LMNA: variants seen among roughly 807,000 people sequenced by gnomAD.
LMNA encodes lamin A/C.
Under a neutral mutation model 70.4 loss-of-function variants are expected in LMNA, and 20 were observed. The observed-to-expected ratio is 0.28, with a 90% CI of 0.20 to 0.41. The LOEUF (loss-of-function observed/expected upper bound fraction) is 0.41. Among genes scored for constraint, LMNA ranks in the 10% least tolerant of loss-of-function variants. LMNA has a pLI of 1.00. For missense variants in LMNA, 652 were observed against 917.2 expected (o/e 0.71, Z 3.73); for synonymous variants, 339 against 372.8 (o/e 0.91, Z 1.04).
At chr1:156,130,848 C>A in intron 2 of LMNA, 75 bp downstream of exon 2, 1 of 1,419,202 alleles carries the variant, frequency 7.0e-7, no homozygotes, top group Non-Finnish European at 9.7e-7. Flanking sequence ...TAGGCCCTCC[C>A]CCATGTGGTG....
intron 2 of LMNA, among the ~76,000 whole-genome samples, chr1:156,085,911 C>A (rs887306312): frequency 6.6e-6 from 1 of 152,182 alleles, no homozygotes; most frequent in South Asian, 2.1e-4. Context: ...CAAAAATTAG[C>A]TGGGCATGGT....
intron 1 of LMNA, chr1:156,126,945 C>T: frequency 1.3e-6 from 2 of 1,547,856 alleles, no homozygotes; most frequent in Non-Finnish European, 1.7e-6. Flanking sequence ...CCGACCCCTG[C>T]CCGGGTATTG....
At chr1:156,109,818 G>GTGTGTGTGTATATATATATA (rs1553261281), upstream of LMNA, 5 of 131,770 alleles carry the variant, frequency 3.8e-5, no homozygotes, top group South Asian at 2.5e-4. Context: ...GTGTGTGTGT[G>GTGTGTGTGTATATATATATA]CATATATATA....
chr1:156,132,289 G>A (rs918803073), intron 2 of LMNA, among the ~76,000 whole-genome samples: 2 of 152,068 alleles, frequency 1.3e-5, no homozygotes, highest in Admixed American at 6.6e-5. Context: ...GGCCAACATG[G>A]TGAAACCCCA....
At chr1:156,128,324 GC>G (rs529256780) in intron 1 of LMNA, among the ~76,000 whole-genome samples, 57 of 152,282 alleles carry the variant, frequency 3.7e-4, no homozygotes, top group African/African-American at 1.3e-3. Flanking sequence ...CCATAAGCTC[GC>G]AGAGCACAGG....
At chr1:156,095,483 C>G (rs1648901385) in intron 3 of LMNA, among the ~76,000 whole-genome samples, 1 of 151,726 alleles carries the variant, frequency 6.6e-6, no homozygotes, top group African/African-American at 2.4e-5. Flanking sequence ...GGATTACAGG[C>G]ACCTGCCACC....
chr1:156,129,946 G>A (rs1363118228), intron 1 of LMNA: 2 of 737,254 alleles, frequency 2.7e-6, no homozygotes, highest in Non-Finnish European at 5.0e-6. Flanking sequence ...GGATGAGGCA[G>A]GAGGGAGGGA....
intron 2 of LMNA, among the ~76,000 whole-genome samples, chr1:156,086,677 G>T (rs1648492814): frequency 6.6e-6 from 1 of 152,170 alleles, no homozygotes; most frequent in African/African-American, 2.4e-5. Flanking sequence ...GTCTCGCTCT[G>T]TTGCCAGGCT....
At position 156,137,607 on chromosome 1, in the gene LMNA, C is replaced by G. The variant is rs965087707; in HGVS notation, c.1609-47C>G. On this transcript the variant is annotated intron_variant, in intron 9 of 11. Coordinates refer to ENST00000368300, the MANE Select transcript of LMNA (RefSeq NM_170707.4). This position sits in a 1 kb window ranked among gnomAD's most constrained non-coding sequence, Gnocchi z 4.6. The stretch of plus-strand genomic sequence containing the variant: ...TCACTGGGGTAGACATGCTGTACAA[C>G]CCTTCCCTGGCCCTGACCCTTGGAC... 8 of 1,518,710 alleles carry G rather than the reference C, an allele frequency of 5.3e-6. No individual in the cohort carries two copies. Among genetic ancestry groups the G allele is most frequent in the Non-Finnish European group, 7.2e-6 (8 of 1,118,338 alleles). The allele number at this position is 1,518,710 out of a possible 1,614,324, so 94.1% of individuals were successfully genotyped here.
At chr1:156,119,466 C>G (rs916855176) in intron 1 of LMNA, among the ~76,000 whole-genome samples, 3 of 152,168 alleles carry the variant, frequency 2.0e-5, no homozygotes, top group Non-Finnish European at 4.4e-5. Context: ...GTTGCCCAAG[C>G]TGGTCTCGAA....
Position 156,137,655 on chromosome 1 carries a change from A to C in LMNA, c.1610A>C (p.Glu537Ala). Residue 537 changes from glutamate (E) to alanine (A), a missense_variant and splice_region_variant, in exon 10 of 12, where the codon GAA becomes GCA. Transcript: ENST00000368300. This position sits in a 1 kb window ranked among gnomAD's most constrained non-coding sequence, Gnocchi z 4.6. ...RTALINSTGEEVAMRKLVRSV... is the reference protein window; with the variant it reads ...RTALINSTGEAVAMRKLVRSV... ...GACCTGGTTCCATGTCCCCACCAGG[A>C]AGTGGCCATGCGCAAGCTGGTGCGC... 1 of 1,553,118 alleles carries C rather than the reference A, an allele frequency of 6.4e-7. No individual in the cohort carries two copies. Among genetic ancestry groups the C allele is most frequent in the Admixed American group, 2.0e-5 (1 of 51,030 alleles).
intron 1 of LMNA, among the ~76,000 whole-genome samples, chr1:156,127,668 A>T (rs1333602952): frequency 6.8e-6 from 1 of 147,436 alleles, no homozygotes; most frequent in Non-Finnish European, 1.5e-5. Context: ...ACAGGTGCAC[A>T]CCACCGTACC....
At position 156,091,211 on chromosome 1, in the gene LMNA, G is replaced by T. The variant is rs554763933; in HGVS notation, c.-207+629G>T. On this transcript the variant is annotated intron_variant, in intron 3 of 12. Coordinates refer to the LMNA transcript ENST00000368301. The stretch of plus-strand genomic sequence containing the variant: ...CCAGCGCCCTTCTGAGTTTCTGGGA[G>T]ACACTGTTCAGAGGACAGGCTGAGG... 2.6e-4 allele frequency: 39 copies of T among 152,474 alleles called. No homozygotes were observed. The South Asian group carries it at 7.9e-3, about 31-fold the overall frequency. The allele number at this position is 152,474 out of a possible 1,614,324, so 9.4% of individuals were successfully genotyped here. A position where few individuals can be genotyped will look rare whatever the true frequency, so the allele number is the denominator to read the frequency against.
At chr1:156,113,323 C>CA (rs956134969), upstream of LMNA, among the ~76,000 whole-genome samples, 57 of 151,006 alleles carry the variant, frequency 3.8e-4, no homozygotes, top group African/African-American at 5.1e-4. Flanking sequence ...AACAAACAAA[C>CA]AAAAAAAACA....
intron 3 of LMNA, among the ~76,000 whole-genome samples, chr1:156,101,631 G>A (rs559640870): frequency 9.6e-6 from 1 of 103,778 alleles, no homozygotes; most frequent in South Asian, 4.1e-4. Context: ...AGGACGGAAG[G>A]AAGGAAGGGA....
chr1:156,131,099 G>A (rs915028774), intron 2 of LMNA, among the ~76,000 whole-genome samples: 4 of 151,892 alleles, frequency 2.6e-5, no homozygotes, highest in South Asian at 4.2e-4. Flanking sequence ...GTGAAACCCC[G>A]TCTCTACTAA....
At chr1:156,082,931 C>G (rs1433274703) in intron 1 of LMNA, 1 of 152,132 alleles carries the variant, frequency 6.6e-6, no homozygotes, top group African/African-American at 2.4e-5. Context: ...CTCCGCTTCC[C>G]CCTCCCGCTC....
chr1:156,112,256 A>C (rs1391295135), upstream of LMNA, among the ~76,000 whole-genome samples: 2 of 152,128 alleles, frequency 1.3e-5, no homozygotes, highest in Non-Finnish European at 2.9e-5. Context: ...CTCTATCATG[A>C]TAGCCTATAG....
intron 1 of LMNA, among the ~76,000 whole-genome samples, chr1:156,120,228 T>G (rs979704475): frequency 1.3e-5 from 2 of 152,208 alleles, no homozygotes; most frequent in Non-Finnish European, 2.9e-5. Context: ...GAGGCACAGA[T>G]GCTTGTCCCA....
Sources: allele counts gnomAD v4.1 joint callset (sites outside exome capture counted in the v4.1 genomes callset), GRCh38; gene constraint gnomAD v4.1.1; non-coding constraint Gnocchi (gnomAD v3.1); transcripts MANE v1.5; gene names NCBI Gene and HGNC (gene_info 2026-07-23, HGNC 2026-07-21).